The following TENM1 variants were observed in gnomAD, a reference collection of about 807,000 sequenced individuals.
TENM1 encodes teneurin transmembrane protein 1, also known as teneurin-1.
A neutral mutation model predicts 174.8 loss-of-function variants in TENM1; 35 were observed. The observed-to-expected ratio is 0.20, with a 90% CI of 0.15 to 0.27. TENM1 has a LOEUF of 0.27. Among genes scored for constraint, TENM1 ranks in the 10% least tolerant of loss-of-function variants. The probability of loss-of-function intolerance (pLI) is 1.00; values close to 1 mark genes in which losing one functional copy is unlikely to be tolerated. For synonymous variants in TENM1, 781 were observed against 798.7 expected (o/e 0.98, Z 0.37); for missense variants, 1,633 against 2,130.1 (o/e 0.77, Z 4.59).
the TENM1 span, among the ~76,000 whole-genome samples, chrX:125,020,545 T>A: frequency 9.2e-6 from 1 of 109,189 alleles, no homozygotes; most frequent in Non-Finnish European, 1.9e-5. Flanking sequence ...TATTATTATT[T>A]TTGCCTAGCC....
chrX:124,622,833 A>T (rs1013513147), intron 11 of TENM1, among the ~76,000 whole-genome samples: 2 of 111,552 alleles, frequency 1.8e-5, no homozygotes, highest in Non-Finnish European at 3.8e-5. Flanking sequence ...ACCAATTTAC[A>T]ACTATTACAA....
At chrX:124,661,608 A>C (rs1437935411) in intron 6 of TENM1, among the ~76,000 whole-genome samples, 2 of 112,022 alleles carry the variant, frequency 1.8e-5, no homozygotes, top group Non-Finnish European at 3.8e-5. Context: ...GGATGGTGGC[A>C]GGATGGCTGA....
chrX:125,017,211 A>C, the TENM1 span, among the ~76,000 whole-genome samples: 2 of 112,420 alleles, frequency 1.8e-5, no homozygotes, highest in African/African-American at 6.5e-5. Flanking sequence ...AAAACTGACA[A>C]ATGGGATCTA....
At chrX:125,005,200 A>G in the TENM1 span, among the ~76,000 whole-genome samples, 5 of 100,472 alleles carry the variant, frequency 5.0e-5, no homozygotes, top group South Asian at 1.3e-3. Flanking sequence ...ACACACACAC[A>G]CACACACACA....
chrX:124,768,779 A>G (rs890543597), intron 3 of TENM1, among the ~76,000 whole-genome samples: 1 of 112,676 alleles, frequency 8.9e-6, no homozygotes, highest in African/African-American at 3.2e-5. Context: ...TCAACTAAAA[A>G]TCAAACTGCT....
chrX:125,020,910 CTTACA>C, the TENM1 span, among the ~76,000 whole-genome samples: 1 of 111,375 alleles, frequency 9.0e-6, no homozygotes, highest in East Asian at 2.8e-4. Flanking sequence ...TGTGATTTTA[CTTACA>C]TTATTCAAAA....
chrX:125,149,749 T>A, the TENM1 span, among the ~76,000 whole-genome samples: 1 of 111,651 alleles, frequency 9.0e-6, no homozygotes, highest in African/African-American at 3.3e-5. Context: ...AGGACCATTT[T>A]TTCACTTCAA....
chrX:124,934,016 ATGTG>A (rs1445748818), intron 1 of TENM1, among the ~76,000 whole-genome samples: 2 of 112,246 alleles, frequency 1.8e-5, no homozygotes, highest in African/African-American at 6.5e-5. Context: ...ACCTTTATAT[ATGTG>A]TATCAAATGA....
chrX:124,406,894 G>T (rs376814636), intron 25 of TENM1, among the ~76,000 whole-genome samples: 39 of 111,196 alleles, frequency 3.5e-4, no homozygotes, highest in African/African-American at 1.2e-3. Flanking sequence ...GGTACAAAAG[G>T]GCCCTCAAAG....
rs202146740 is a variant in TENM1, at chrX:124,695,200, C to T, written c.1015+9813G>A. Among the ~76,000 whole-genome samples the T allele has an allele frequency of 1.7e-4, 19 of 110,880 alleles. No homozygotes were observed. The East Asian group carries it at 5.1e-3, about 30-fold the overall frequency. On this transcript the variant is annotated intron_variant, in intron 5 of 31. Transcript: ENST00000422452. ...CTGGAGCGTTCATGGTCCTATTTAG[C>T]CCCAGTTGATGGTTCTCATACTATT... is the stretch of plus-strand genomic sequence containing the variant.
chrX:124,826,277 C>A (rs1175219847), intron 3 of TENM1, among the ~76,000 whole-genome samples: 1 of 109,683 alleles, frequency 9.1e-6, no homozygotes, highest in East Asian at 2.9e-4. Context: ...GGCGTGTTGG[C>A]AGACACCTGT....
chrX:124,548,481 G>A (rs747464511), intron 14 of TENM1, among the ~76,000 whole-genome samples: 1 of 112,047 alleles, frequency 8.9e-6, no homozygotes, highest in Admixed American at 9.5e-5. Flanking sequence ...TGCTTTAAGA[G>A]AGTTACATGC....
chrX:124,513,602 C>T (rs2047632836), intron 18 of TENM1, among the ~76,000 whole-genome samples: 1 of 112,251 alleles, frequency 8.9e-6, no homozygotes. Context: ...GTGTCAGATG[C>T]AGCACTGTTG....
intron 3 of TENM1, among the ~76,000 whole-genome samples, chrX:124,847,012 T>C (rs1603243705): frequency 1.8e-5 from 2 of 112,165 alleles, no homozygotes. Flanking sequence ...TGATATCTCT[T>C]AAATTTACAT....
At chrX:124,582,575 C>A (rs1176509336) in intron 11 of TENM1, among the ~76,000 whole-genome samples, 1 of 111,984 alleles carries the variant, frequency 8.9e-6, no homozygotes, top group Non-Finnish European at 1.9e-5. Context: ...TGAGGTGGAA[C>A]AGCTCCGGTC....
chrX:124,686,893 T>G (rs1470591307), intron 5 of TENM1, among the ~76,000 whole-genome samples: 1 of 111,480 alleles, frequency 9.0e-6, no homozygotes, highest in Non-Finnish European at 1.9e-5. Context: ...CCACTCCTAT[T>G]CAACACAGTA....
chrX:124,616,204 G>T, intron 11 of TENM1, among the ~76,000 whole-genome samples: 1 of 112,671 alleles, frequency 8.9e-6, no homozygotes, highest in African/African-American at 3.2e-5. Flanking sequence ...TGACCAAAAA[G>T]CCCCAAATCG....
At chrX:125,000,356 A>T in the TENM1 span, among the ~76,000 whole-genome samples, 1 of 111,386 alleles carries the variant, frequency 9.0e-6, no homozygotes, top group East Asian at 2.8e-4. Flanking sequence ...TTCACCTGAA[A>T]CTCATGGCTG....
At chrX:124,496,484 G>A (rs2047204762) in intron 20 of TENM1, among the ~76,000 whole-genome samples, 1 of 111,806 alleles carries the variant, frequency 8.9e-6, no homozygotes, top group South Asian at 3.7e-4. Flanking sequence ...AAAATTTAAA[G>A]ATAAATGCTT....
Sources: allele counts gnomAD v4.1 joint callset (sites outside exome capture counted in the v4.1 genomes callset), GRCh38; gene constraint gnomAD v4.1.1; transcripts MANE v1.5; gene names NCBI Gene and HGNC (gene_info 2026-07-23, HGNC 2026-07-21).